UBE3D: variants seen among roughly 807,000 people sequenced by gnomAD.
UBE3D encodes the protein ubiquitin protein ligase E3D.
In UBE3D, 48 loss-of-function variants were observed where a neutral mutation model predicts 49.6. That is an observed-to-expected ratio of 0.97 (90% CI 0.77 to 1.23). UBE3D has a LOEUF of 1.23. Ranked by LOEUF, UBE3D falls within the 50% of genes most tolerant of loss-of-function variation. The pLI is 0.00. For missense variants in UBE3D, 452 were observed against 468.4 expected, an observed-to-expected ratio of 0.96 and a Z score of 0.32; for synonymous variants, 189 against 174.2, an observed-to-expected ratio of 1.08 and a Z score of -0.67.
At chr6:82,931,652 G>GC (rs1253010020) in intron 9 of UBE3D, among the ~76,000 whole-genome samples, 2 of 152,200 alleles carry the variant, frequency 1.3e-5, no homozygotes, top group Non-Finnish European at 2.9e-5. Context: ...GGAGCCTGCA[G>GC]CCCCTTTGTT....
At chr6:82,995,382 T>A (rs1412545240) in intron 8 of UBE3D, among the ~76,000 whole-genome samples, 1 of 77,642 alleles carries the variant, frequency 1.3e-5, no homozygotes, top group Non-Finnish European at 2.6e-5. Context: ...TGTGACAGTA[T>A]CAAAATTTAA....
At chr6:83,025,869 C>T (rs555038603) in intron 5 of UBE3D, among the ~76,000 whole-genome samples, 83 of 115,914 alleles carry the variant, frequency 7.2e-4, no homozygotes, top group African/African-American at 2.5e-3. Context: ...GGCGACAGAA[C>T]GTGACTCCAT....
At chr6:83,052,012 T>C (rs1044767341) in intron 3 of UBE3D, among the ~76,000 whole-genome samples, 3 of 152,240 alleles carry the variant, frequency 2.0e-5, no homozygotes, top group Admixed American at 6.5e-5. Flanking sequence ...CAGTGCCTGA[T>C]GCTGAGGAGG....
intron 8 of UBE3D, among the ~76,000 whole-genome samples, chr6:83,016,937 G>A (rs1471510172): frequency 6.6e-6 from 1 of 152,102 alleles, no homozygotes; most frequent in Non-Finnish European, 1.5e-5. Context: ...TTCCAGCCAT[G>A]CTGGCAGCTG....
intron 8 of UBE3D, among the ~76,000 whole-genome samples, chr6:82,962,155 T>C (rs1776605526): frequency 6.6e-6 from 1 of 152,040 alleles, no homozygotes. Flanking sequence ...TACAGGAAAA[T>C]AATAATCTGG....
intron 8 of UBE3D, among the ~76,000 whole-genome samples, chr6:82,985,898 A>T (rs1778453369): frequency 6.6e-6 from 1 of 152,128 alleles, no homozygotes; most frequent in South Asian, 2.1e-4. Context: ...TCAGAATCAC[A>T]CTATTTGAAT....
At chr6:82,981,208 A>G (rs1464837872) in intron 8 of UBE3D, among the ~76,000 whole-genome samples, 3 of 152,122 alleles carry the variant, frequency 2.0e-5, no homozygotes, top group Non-Finnish European at 4.4e-5. Flanking sequence ...AGTGTTTTCT[A>G]TCACACCTTT....
intron 8 of UBE3D, among the ~76,000 whole-genome samples, chr6:83,003,495 T>C (rs1280946245): frequency 1.3e-5 from 2 of 152,186 alleles, no homozygotes; most frequent in African/African-American, 4.8e-5. Flanking sequence ...AAAACAAGTT[T>C]TAGTTTAGGC....
At chr6:83,051,593 ACTT>A (rs1184603838) in intron 3 of UBE3D, among the ~76,000 whole-genome samples, 6 of 152,204 alleles carry the variant, frequency 3.9e-5, no homozygotes, top group Non-Finnish European at 5.9e-5. Flanking sequence ...TGTTTCAGAA[ACTT>A]CTTCTGAGAA....
the UBE3D span, among the ~76,000 whole-genome samples, chr6:82,881,187 G>A: frequency 7.2e-4 from 110 of 152,280 alleles, no homozygotes; most frequent in African/African-American, 2.2e-3. Context: ...ATGTATGAGG[G>A]AGCTATGAAG....
intron 7 of UBE3D, among the ~76,000 whole-genome samples, chr6:83,020,259 A>G (rs569304254): frequency 6.6e-6 from 1 of 152,210 alleles, no homozygotes; most frequent in Admixed American, 6.5e-5. Context: ...AGCCAGACCT[A>G]TATTTAAACT....
intron 5 of UBE3D, among the ~76,000 whole-genome samples, chr6:83,031,419 G>A (rs189279517): frequency 0.013 from 2,048 of 152,314 alleles, 53 homozygotes; most frequent in African/African-American, 0.047. Flanking sequence ...ATTTTCTGGG[G>A]GGAAATTCAA....
chr6:83,002,215 G>T (rs952693731), intron 8 of UBE3D, among the ~76,000 whole-genome samples: 2 of 152,170 alleles, frequency 1.3e-5, no homozygotes, highest in Non-Finnish European at 2.9e-5. Flanking sequence ...TTCAGCAAAA[G>T]AATACTGTTC....
chr6:83,023,177 CA>C (rs1458764136), intron 6 of UBE3D, among the ~76,000 whole-genome samples: 2 of 152,084 alleles, frequency 1.3e-5, no homozygotes, highest in Non-Finnish European at 1.5e-5. Context: ...GTTTTTAAAA[CA>C]TAGGAGTCAT....
chr6:82,902,865 A>T (rs1582287978), intron 9 of UBE3D, among the ~76,000 whole-genome samples: 2 of 152,218 alleles, frequency 1.3e-5, no homozygotes, highest in East Asian at 3.8e-4. Context: ...CCATCTCACT[A>T]AATCCTTAAA....
At chr6:82,891,529 C>A (rs1275621715), downstream of UBE3D, among the ~76,000 whole-genome samples, 1 of 152,178 alleles carries the variant, frequency 6.6e-6, no homozygotes, top group African/African-American at 2.4e-5. Context: ...TCACTAAGAA[C>A]TTCAACGTTT....
At chr6:83,049,741 G>C (rs1256111753) in intron 3 of UBE3D, 1 of 470,910 alleles carries the variant, frequency 2.1e-6, no homozygotes, top group African/African-American at 2.0e-5. Context: ...ACCATCCAGA[G>C]ACCTCCGGAG....
At chr6:82,887,705 TCCCC>T (rs146278029), downstream of UBE3D, among the ~76,000 whole-genome samples, 2 of 148,782 alleles carry the variant, frequency 1.3e-5, no homozygotes, top group African/African-American at 5.0e-5. Context: ...AGATACTCCA[TCCCC>T]CCAAAAAAAA....
At chr6:82,887,960 G>A (rs1231599334), downstream of UBE3D, among the ~76,000 whole-genome samples, 1 of 152,146 alleles carries the variant, frequency 6.6e-6, no homozygotes, top group African/African-American at 2.4e-5. Flanking sequence ...TACCTAGGAA[G>A]AGGGGAAGAG....
Sources: allele counts gnomAD v4.1 joint callset (sites outside exome capture counted in the v4.1 genomes callset), GRCh38; gene constraint gnomAD v4.1.1; transcripts MANE v1.5; gene names NCBI Gene and HGNC (gene_info 2026-07-23, HGNC 2026-07-21).